The following UBE3A variants were observed in gnomAD, a reference collection of about 807,000 sequenced individuals.
UBE3A encodes the protein ubiquitin-protein ligase E3A.
UBE3A carries 6 observed loss-of-function variants against 83.4 expected under a neutral mutation model. The observed-to-expected ratio is 0.07, with a 90% CI of 0.04 to 0.14. UBE3A has a LOEUF of 0.14. UBE3A is among the 10% of genes least tolerant of loss of function. The pLI is 1.00. For missense variants in UBE3A, 456 were observed against 1,036.1 expected, an observed-to-expected ratio of 0.44 and a Z score of 7.69; for synonymous variants, 337 against 355.4, an observed-to-expected ratio of 0.95 and a Z score of 0.58.
chr15:25,433,189 A>G (rs1484341995), intron 1 of UBE3A, among the ~76,000 whole-genome samples: 1 of 151,140 alleles, frequency 6.6e-6, no homozygotes, highest in Non-Finnish European at 1.5e-5. Flanking sequence ...AACGTTTCTA[A>G]AAAGTTTTTT....
Position 25,371,540 on chromosome 15 carries a change from C to T in UBE3A, c.634G>A (p.Gly212Ser), listed in dbSNP as rs772293528. The change falls in exon 6 of 13, where the codon GGT becomes AGT. Residue 212 changes from glycine (G) to serine (S), a missense_variant. Gly to Ser is a moderately conservative substitution (Grantham distance 56). Coordinates refer to ENST00000648336, the MANE Select transcript of UBE3A (RefSeq NM_130839.5). The surrounding 1 kb of genome is among the most constrained non-coding windows in gnomAD (Gnocchi z 5.3). ...TTGTTGTCTCCCTGTGAGCTATCAC[C>T]TATCCTTGAGGAAGATGCTTCTGAG... ...EDSEASSSRIGDSSQGDNNLQ... is the reference protein window; with the variant it reads ...EDSEASSSRISDSSQGDNNLQ... 4.3e-6 allele frequency: 7 copies of T among 1,614,136 alleles called. No individual in the cohort carries two copies. In the East Asian group the frequency reaches 6.7e-5, roughly 15 times the overall value.
At chr15:25,367,237 ATGTAAATATT>A (rs2079384867) in intron 6 of UBE3A, among the ~76,000 whole-genome samples, 1 of 82,308 alleles carries the variant, frequency 1.2e-5, no homozygotes, top group Admixed American at 1.1e-4. Context: ...ATTTGTAAAT[ATGTAAATATT>A]TGCATATTTG....
intron 6 of UBE3A, among the ~76,000 whole-genome samples, chr15:25,364,768 C>G (rs1330072299): frequency 6.6e-6 from 1 of 151,840 alleles, no homozygotes; most frequent in Non-Finnish European, 1.5e-5. Context: ...CTCAGCCTCC[C>G]GAGTAGCTGG....
intron 4 of UBE3A, among the ~76,000 whole-genome samples, 199 bp from the exon 5 acceptor site, chr15:25,375,962 T>C (rs1467130875): frequency 6.6e-6 from 1 of 152,176 alleles, no homozygotes; most frequent in Non-Finnish European, 1.5e-5. Flanking sequence ...TCTAGGATAT[T>C]ATGATAAAGA....
intron 12 of UBE3A, 72 bp downstream of exon 12, chr15:25,340,011 GAC>G (rs1341660273): frequency 1.2e-5 from 19 of 1,570,728 alleles, no homozygotes; most frequent in Non-Finnish European, 1.5e-5. Context: ...AAACTATAAA[GAC>G]AGTTCATATG....
At chr15:25,364,450 A>G (rs1214511915) in intron 6 of UBE3A, among the ~76,000 whole-genome samples, 1 of 152,192 alleles carries the variant, frequency 6.6e-6, no homozygotes, top group Non-Finnish European at 1.5e-5. Flanking sequence ...TAGCTATATT[A>G]TTTAAAATTG....
At chr15:25,353,616 T>C (rs2076823723) in intron 11 of UBE3A, among the ~76,000 whole-genome samples, 1 of 152,218 alleles carries the variant, frequency 6.6e-6, no homozygotes, top group African/African-American at 2.4e-5. Flanking sequence ...ATAGAGTTGA[T>C]ATTCATTCTA....
intron 4 of UBE3A, among the ~76,000 whole-genome samples, chr15:25,385,942 C>T (rs565546788): frequency 1.3e-4 from 20 of 152,244 alleles, no homozygotes; most frequent in African/African-American, 4.3e-4. Context: ...AATCCTCAAC[C>T]CTCAGCAGGG....
chr15:25,389,261 C>CAA (rs57524621), intron 4 of UBE3A, among the ~76,000 whole-genome samples: 1,821 of 146,096 alleles, frequency 0.012, 24 homozygotes, highest in Middle Eastern at 0.032. Flanking sequence ...CATCCACATG[C>CAA]AAAAAAAAAA....
At chr15:25,362,113 G>A (rs935292280) in intron 6 of UBE3A, among the ~76,000 whole-genome samples, 3 of 152,256 alleles carry the variant, frequency 2.0e-5, no homozygotes, top group Admixed American at 2.0e-4. Context: ...TGAAACTTTT[G>A]TTTCAATTAG....
intron 1 of UBE3A, among the ~76,000 whole-genome samples, chr15:25,430,702 T>A (rs1212038251): frequency 6.6e-6 from 1 of 152,086 alleles, no homozygotes; most frequent in African/African-American, 2.4e-5. Flanking sequence ...TGCCTAAAAC[T>A]GTACATGAAA....
intron 7 of UBE3A, among the ~76,000 whole-genome samples, chr15:25,358,044 G>T (rs1399249697): frequency 6.6e-6 from 1 of 151,688 alleles, no homozygotes; most frequent in Non-Finnish European, 1.5e-5. Context: ...GGGACTACAG[G>T]CGCCTGCGTG....
chr15:25,402,393 T>C (rs2087365293), intron 4 of UBE3A, among the ~76,000 whole-genome samples: 2 of 152,194 alleles, frequency 1.3e-5, no homozygotes, highest in Admixed American at 1.3e-4. Context: ...GATGTTGGCC[T>C]AGAATTTGGA....
At chr15:25,340,288 A>C in intron 11 of UBE3A, 60 bp from the exon 12 acceptor site, 5 of 1,554,356 alleles carry the variant, frequency 3.2e-6, no homozygotes, top group East Asian at 2.2e-5. Flanking sequence ...TGGTACTAAC[A>C]TAAGCTTATG....
At chr15:25,407,659 A>T (rs1322385071) in intron 3 of UBE3A, 1 of 152,282 alleles carries the variant, frequency 6.6e-6, no homozygotes, top group Non-Finnish European at 1.5e-5. Flanking sequence ...CAAGCTAAGT[A>T]ATTTAAACCA....
At chr15:25,360,844 C>G (rs977613051) in intron 6 of UBE3A, among the ~76,000 whole-genome samples, 3 of 152,032 alleles carry the variant, frequency 2.0e-5, no homozygotes, top group African/African-American at 7.3e-5. Context: ...CATGGAAAAG[C>G]AGCTAAATCA....
intron 4 of UBE3A, among the ~76,000 whole-genome samples, chr15:25,403,301 C>G (rs1008650592): frequency 1.3e-5 from 2 of 152,194 alleles, no homozygotes; most frequent in Non-Finnish European, 2.9e-5. Context: ...CCTAAGTTTT[C>G]AGTCTTCTCA....
At chr15:25,385,428 T>TA (rs1459561319) in intron 4 of UBE3A, among the ~76,000 whole-genome samples, 3 of 151,998 alleles carry the variant, frequency 2.0e-5, no homozygotes, top group African/African-American at 7.2e-5. Context: ...TGGCCACCAT[T>TA]AAAAAAACAG....
chr15:25,335,923 G>C lies in UBE3A; in HGVS notation c.*3214C>G, dbSNP rs1181019035. ...CAGCCCAAGCTAGGGTGTTGTCAAGGTTATAGATGTTACTGATTTTGGCAA... is the reference window on the plus strand; with the variant it reads ...CAGCCCAAGCTAGGGTGTTGTCAAGCTTATAGATGTTACTGATTTTGGCAA... On this transcript the variant is annotated 3_prime_UTR_variant, in exon 13 of 13. Transcript: ENST00000648336. 2.6e-5 allele frequency: 4 copies of C among 152,174 alleles called. No individual in the cohort carries two copies. Among genetic ancestry groups the C allele is most frequent in the Non-Finnish European group, 5.9e-5 (4 of 68,046 alleles). 9.4% of individuals were successfully genotyped at this position (152,174 alleles called of 1,614,324 possible). A position where few individuals can be genotyped will look rare whatever the true frequency, so the allele number is the denominator to read the frequency against.
Sources: allele counts gnomAD v4.1 joint callset (sites outside exome capture counted in the v4.1 genomes callset), GRCh38; gene constraint gnomAD v4.1.1; non-coding constraint Gnocchi (gnomAD v3.1); transcripts MANE v1.5; gene names NCBI Gene and HGNC (gene_info 2026-07-23, HGNC 2026-07-21).